Variants in CHD1 observed in about 807,000 individuals in gnomAD.
CHD1 encodes the protein chromodomain helicase DNA binding protein 1.
In CHD1, 36 loss-of-function variants were observed where a neutral mutation model predicts 224.2. The observed-to-expected ratio is 0.16, with a 90% CI of 0.12 to 0.21. The LOEUF is 0.21. Among genes scored for constraint, CHD1 ranks in the 10% least tolerant of loss-of-function variants. The pLI, the probability that CHD1 is intolerant of heterozygous loss-of-function variation, is 1.00. For synonymous variants in CHD1, 668 were observed against 658.3 expected (o/e 1.01, Z -0.23); for missense variants, 1,378 against 1,994.8 (o/e 0.69, Z 5.89).
At chr5:98,887,006 G>A (rs1750694436) in intron 17 of CHD1, among the ~76,000 whole-genome samples, 1 of 152,096 alleles carries the variant, frequency 6.6e-6, no homozygotes, top group East Asian at 1.9e-4. Flanking sequence ...AAGGCAAATG[G>A]AAGGACAAGA....
intron 4 of CHD1, among the ~76,000 whole-genome samples, chr5:98,903,328 T>C (rs906086157): frequency 3.2e-4 from 49 of 152,326 alleles, no homozygotes; most frequent in African/African-American, 1.1e-3. Context: ...TTTTCCTGAA[T>C]GTTTTTGTGC....
chr5:98,895,300 T>G (rs1282915024), intron 12 of CHD1, among the ~76,000 whole-genome samples: 1 of 152,226 alleles, frequency 6.6e-6, no homozygotes, highest in Non-Finnish European at 1.5e-5. Context: ...TGTTTATGGA[T>G]GAAATATGAT....
intron 17 of CHD1, 87 bp downstream of exon 17, chr5:98,888,001 C>A (rs1481994052): frequency 8.5e-6 from 7 of 826,314 alleles, no homozygotes; most frequent in Non-Finnish European, 1.2e-5. Flanking sequence ...AAAACCTAAA[C>A]ACTTATAAAA....
Position 98,856,432 on chromosome 5 carries a change from G to C in CHD1, c.5081C>G (p.Ser1694Ter), listed in dbSNP as rs780831794. ...PYGSRSPFEH[S>*]VEHKSTPEHT... ...CTCCGGTGTACTTTTGTGTTCAACTGAATGTTCAAATGGAGATCTGGAGCC... is the reference window on the plus strand; with the variant it reads ...CTCCGGTGTACTTTTGTGTTCAACTCAATGTTCAAATGGAGATCTGGAGCC... Residue 1694 changes from serine to a stop codon, truncating the protein, a stop_gained, in exon 36 of 36, where the codon TCA becomes TGA. Transcript: ENST00000614616. LOFTEE classifies it high-confidence loss of function. The C allele has an allele frequency of 3.7e-6, 6 of 1,612,136 alleles. No homozygotes were observed. The South Asian group carries it at 6.6e-5, about 18-fold the overall frequency.
At chr5:98,920,960 A>C (rs1052282684) in intron 2 of CHD1, among the ~76,000 whole-genome samples, 2 of 152,188 alleles carry the variant, frequency 1.3e-5, no homozygotes, top group Non-Finnish European at 2.9e-5. Context: ...GCAATGTGGC[A>C]CTCTGGATTT....
intron 2 of CHD1, among the ~76,000 whole-genome samples, chr5:98,911,146 A>ATCTATATATATATATATATATAT (rs1554081078): frequency 1.8e-4 from 7 of 39,132 alleles, no homozygotes; most frequent in East Asian, 6.8e-4. Context: ...AAAAAAAAAA[A>ATCTATATATATATATATATATAT]ATATATATAT....
Position 98,899,643 on chromosome 5 carries a change from C to T in CHD1, c.922G>A (p.Glu308Lys). Residue 308 changes from glutamate to lysine, a missense_variant, in exon 8 of 36, where the codon GAA becomes AAA. Coordinates refer to ENST00000614616, the MANE Select transcript of CHD1 (RefSeq NM_001270.4). Reference sequence around the variant, plus strand: ...ATCTCTCCTGGTTCTTTGTTTTTTTCAAAGCCTGCATTTGGGTCACCATCT... The same window carrying T: ...ATCTCTCCTGGTTCTTTGTTTTTTTTAAAGCCTGCATTTGGGTCACCATCT... ...EADGDPNAGF[E>K]KNKEPGEIQY... 1 of 1,613,698 alleles carries T rather than the reference C, an allele frequency of 6.2e-7. No homozygotes were observed. Among genetic ancestry groups the T allele is most frequent in the South Asian group, 1.1e-5 (1 of 91,068 alleles).
intron 11 of CHD1, 82 bp downstream of exon 11, chr5:98,897,111 T>G (rs1751394104): frequency 5.2e-6 from 7 of 1,356,422 alleles, no homozygotes; most frequent in Non-Finnish European, 6.2e-6. Flanking sequence ...TTATTCTTTA[T>G]GTAAATGGAA....
intron 31 of CHD1, among the ~76,000 whole-genome samples, chr5:98,866,973 G>A (rs952394064): frequency 6.6e-6 from 1 of 152,012 alleles, no homozygotes; most frequent in Non-Finnish European, 1.5e-5. Context: ...ATCACTTATC[G>A]ATTTCTGAGC....
intron 2 of CHD1, among the ~76,000 whole-genome samples, chr5:98,905,524 TAAA>T (rs11317778): frequency 6.6e-6 from 1 of 151,976 alleles, no homozygotes; most frequent in African/African-American, 2.4e-5. Context: ...TTAAATGTGT[TAAA>T]AAAAATTCTT....
At chr5:98,915,560 AAT>A (rs1752680145) in intron 2 of CHD1, among the ~76,000 whole-genome samples, 10 of 152,224 alleles carry the variant, frequency 6.6e-5, no homozygotes, top group Admixed American at 6.5e-4. Flanking sequence ...GTCACTGAAA[AAT>A]AGTTTCCTAA....
chr5:98,899,385 G>A, intron 8 of CHD1, 95 bp downstream of exon 8: 2 of 780,132 alleles, frequency 2.6e-6, no homozygotes, highest in South Asian at 3.6e-5. Flanking sequence ...GCTATTTTAG[G>A]CTATCATTTA....
intron 2 of CHD1, among the ~76,000 whole-genome samples, chr5:98,924,957 G>A (rs886777835): frequency 2.0e-4 from 30 of 150,318 alleles, no homozygotes; most frequent in African/African-American, 6.4e-4. Flanking sequence ...CAGCCTGGGC[G>A]ACAGAGCAAG....
chr5:98,892,946 T>G (rs888946875), intron 14 of CHD1, among the ~76,000 whole-genome samples: 12 of 152,150 alleles, frequency 7.9e-5, no homozygotes, highest in Non-Finnish European at 1.2e-4. Flanking sequence ...ATATGAAGTA[T>G]TTTGAAGTAT....
At chr5:98,884,660 TA>T (rs1347326785) in intron 18 of CHD1, among the ~76,000 whole-genome samples, 1 of 151,340 alleles carries the variant, frequency 6.6e-6, no homozygotes, top group Admixed American at 6.6e-5. Context: ...TCCACGGAAA[TA>T]AAAAAAATTT....
intron 19 of CHD1, 69 bp from the exon 20 acceptor site, chr5:98,882,192 A>C (rs1561504794): frequency 7.7e-6 from 10 of 1,305,880 alleles, no homozygotes; most frequent in Non-Finnish European, 8.5e-6. Context: ...CAAGTGCCTA[A>C]ACACTGGCAC....
chr5:98,916,244 T>C (rs1752721414), intron 2 of CHD1, among the ~76,000 whole-genome samples: 1 of 151,850 alleles, frequency 6.6e-6, no homozygotes, highest in Admixed American at 6.6e-5. Flanking sequence ...GATATTTAGT[T>C]TGCTTTTTAA....
chr5:98,899,943 GA>G (rs1751587346), intron 7 of CHD1, among the ~76,000 whole-genome samples: 1 of 152,028 alleles, frequency 6.6e-6, no homozygotes, highest in African/African-American at 2.4e-5. Flanking sequence ...AGATCCACCT[GA>G]GATCCCACAG....
intron 2 of CHD1, among the ~76,000 whole-genome samples, chr5:98,911,888 T>C (rs1752446281): frequency 1.3e-5 from 2 of 152,248 alleles, no homozygotes; most frequent in South Asian, 4.1e-4. Flanking sequence ...ATGCAATATG[T>C]AATCTCTGTA....
Sources: allele counts gnomAD v4.1 joint callset (sites outside exome capture counted in the v4.1 genomes callset), GRCh38; gene constraint gnomAD v4.1.1; transcripts MANE v1.5; gene names NCBI Gene and HGNC (gene_info 2026-07-23, HGNC 2026-07-21).